Variants in CACNG4 observed in about 807,000 individuals in gnomAD.
CACNG4 encodes the protein voltage-dependent calcium channel gamma-4 subunit.
In CACNG4, 8 loss-of-function variants were observed where a neutral mutation model predicts 22.9. The observed-to-expected ratio is 0.35, with a 90% CI of 0.21 to 0.63. The LOEUF is 0.63. Among genes scored for constraint, CACNG4 ranks in the 30% least tolerant of loss-of-function variants. The probability of loss-of-function intolerance (pLI) is 0.72; values close to 1 mark genes in which losing one functional copy is unlikely to be tolerated. For synonymous variants in CACNG4, 188 were observed against 191.9 expected (o/e 0.98, Z 0.17); for missense variants, 357 against 455.4 (o/e 0.78, Z 1.97).
At chr17:67,024,090 A>T (rs1598124997) in intron 2 of CACNG4, among the ~76,000 whole-genome samples, 2 of 152,312 alleles carry the variant, frequency 1.3e-5, no homozygotes, top group East Asian at 3.9e-4. Flanking sequence ...TGTCAGGGCT[A>T]CAAAGTTGGT....
intron 1 of CACNG4, among the ~76,000 whole-genome samples, chr17:67,008,260 G>T (rs944010227): frequency 6.6e-6 from 1 of 152,182 alleles, no homozygotes; most frequent in Non-Finnish European, 1.5e-5. Flanking sequence ...GCCTCTCCAC[G>T]CCTGGAGTTT....
At chr17:66,971,871 G>A (rs1333643845) in intron 1 of CACNG4, among the ~76,000 whole-genome samples, 1 of 152,190 alleles carries the variant, frequency 6.6e-6, no homozygotes, top group East Asian at 1.9e-4. Context: ...TGCTATTGCA[G>A]AACTTCGGGC....
chr17:66,993,667 G>A (rs1415778186), intron 1 of CACNG4, among the ~76,000 whole-genome samples: 4 of 152,154 alleles, frequency 2.6e-5, no homozygotes, highest in South Asian at 2.1e-4. Context: ...GTGCAGTGGC[G>A]CGATCTCGGC....
chr17:66,978,283 C>G (rs1014833291), intron 1 of CACNG4, among the ~76,000 whole-genome samples: 5 of 152,098 alleles, frequency 3.3e-5, no homozygotes, highest in Non-Finnish European at 7.4e-5. Flanking sequence ...TGGCAGGAGT[C>G]GCGATAAAGT....
rs1180568113 is a variant in CACNG4, at chr17:67,018,054, T to C, written c.221-135T>C. On this transcript the variant is annotated intron_variant, in intron 1 of 3. Transcript: ENST00000262138. ...CCGTGCCCCCACCAGACTGGAACGCTGGAGCCTGCCTTTCTTCTCTGTCTG... is the reference window on the plus strand; with the variant it reads ...CCGTGCCCCCACCAGACTGGAACGCCGGAGCCTGCCTTTCTTCTCTGTCTG... 4 of 672,502 alleles carry C rather than the reference T, an allele frequency of 5.9e-6. No homozygotes were observed. The East Asian group carries it at 1.1e-4, about 18-fold the overall frequency. 41.7% of individuals were successfully genotyped at this position (672,502 alleles called of 1,614,324 possible).
At position 67,030,169 on chromosome 17, in the gene CACNG4, G is replaced by A. The variant is rs1417884833; in HGVS notation, c.446-297G>A. ...ATAATAGGGGTGTGTGTGTGTGTGT[G>A]TGTGAAGAGAGAAATTTTTTTTCTG... On this transcript the variant is annotated intron_variant, in intron 3 of 3. Transcript: ENST00000262138. This position sits in a 1 kb window ranked among gnomAD's most constrained non-coding sequence, Gnocchi z 6.4. Among the ~76,000 whole-genome samples, 2 of 152,040 alleles carry A rather than the reference G, an allele frequency of 1.3e-5. No homozygotes were observed. The highest frequency in any genetic ancestry group is 2.9e-5 in the Non-Finnish European group (2 of 67,998).
intron 1 of CACNG4, among the ~76,000 whole-genome samples, chr17:66,989,937 G>C (rs1358610513): frequency 6.6e-6 from 1 of 152,112 alleles, no homozygotes; most frequent in Non-Finnish European, 1.5e-5. Context: ...GGCTGGACTG[G>C]GGTCCTGAAG....
At chr17:67,014,943 C>CAAAAAAAAAAAA (rs1163062678) in intron 1 of CACNG4, among the ~76,000 whole-genome samples, 1 of 95,350 alleles carries the variant, frequency 1.0e-5, no homozygotes, top group Admixed American at 1.2e-4. Flanking sequence ...TCTCCAAAAA[C>CAAAAAAAAAAAA]AAAAAAAAAA....
At chr17:67,017,091 T>C (rs1021677207) in intron 1 of CACNG4, among the ~76,000 whole-genome samples, 2 of 152,116 alleles carry the variant, frequency 1.3e-5, no homozygotes, top group African/African-American at 4.8e-5. Flanking sequence ...TTTTGAGTTT[T>C]TTTGAGACAG....
At chr17:66,976,431 C>G (rs2035236733) in intron 1 of CACNG4, among the ~76,000 whole-genome samples, 1 of 149,350 alleles carries the variant, frequency 6.7e-6, no homozygotes, top group Non-Finnish European at 1.5e-5. Flanking sequence ...CTCCATCCCT[C>G]TCTCTAACTT....
chr17:67,004,285 G>A (rs1278315346), intron 1 of CACNG4, among the ~76,000 whole-genome samples: 1 of 152,190 alleles, frequency 6.6e-6, no homozygotes, highest in Non-Finnish European at 1.5e-5. Flanking sequence ...CGGTTGGTTG[G>A]GGAAATCTCT....
chr17:66,967,227 T>G (rs535924607), intron 1 of CACNG4, among the ~76,000 whole-genome samples: 19 of 152,342 alleles, frequency 1.2e-4, no homozygotes, highest in African/African-American at 4.6e-4. Flanking sequence ...AGCCCCAAGC[T>G]GATCTGGGCA....
At chr17:67,026,380 G>A (rs1180401292) in intron 3 of CACNG4, among the ~76,000 whole-genome samples, 1 of 150,784 alleles carries the variant, frequency 6.6e-6, no homozygotes, top group African/African-American at 2.4e-5. Context: ...GGAATGTGGT[G>A]TGTGTGTGTA....
chr17:67,006,275 C>T (rs937910158), intron 1 of CACNG4, among the ~76,000 whole-genome samples: 1 of 152,178 alleles, frequency 6.6e-6, no homozygotes, highest in Non-Finnish European at 1.5e-5. Context: ...AGGCTGGGGA[C>T]AGAATGACAG....
At chr17:66,999,736 C>T (rs982318670) in intron 1 of CACNG4, among the ~76,000 whole-genome samples, 8 of 152,016 alleles carry the variant, frequency 5.3e-5, no homozygotes, top group African/African-American at 1.9e-4. Context: ...CTGGGGATTA[C>T]AGCTCCCTCC....
chr17:66,966,083 G>C (rs897022256), intron 1 of CACNG4, among the ~76,000 whole-genome samples: 3 of 152,216 alleles, frequency 2.0e-5, no homozygotes, highest in African/African-American at 7.2e-5. Context: ...GGAATGCTAG[G>C]GGACCAGGAT....
rs369717558 is a variant in CACNG4 at position 66,992,669 on chromosome 17, G to A, written c.221-25520G>A. Among the ~76,000 whole-genome samples the A allele has an allele frequency of 8.5e-5, 13 of 152,358 alleles. 1 individual carries two copies. In the South Asian group the frequency reaches 2.5e-3, roughly 29 times the overall value. The stretch of plus-strand genomic sequence containing the variant: ...GCCCCTGGCCTGGTGGAGGCTTCCT[G>A]AGAAGGTAACAGAGCCGGAGAGGCT... On this transcript the variant is annotated intron_variant, in intron 1 of 3. Coordinates refer to ENST00000262138, the MANE Select transcript of CACNG4 (RefSeq NM_014405.4).
chr17:66,973,237 T>TAA (rs10718135), intron 1 of CACNG4, among the ~76,000 whole-genome samples: 2,293 of 141,854 alleles, frequency 0.016, 60 homozygotes, highest in African/African-American at 0.049. Flanking sequence ...AAGACTCCAT[T>TAA]AAAAAAAAAA....
intron 1 of CACNG4, among the ~76,000 whole-genome samples, chr17:67,008,606 C>T (rs764151293): frequency 7.2e-5 from 11 of 152,076 alleles, no homozygotes; most frequent in South Asian, 2.1e-4. Flanking sequence ...CCATCCCCAC[C>T]GAAAATTCTT....
Sources: allele counts gnomAD v4.1 joint callset (sites outside exome capture counted in the v4.1 genomes callset), GRCh38; gene constraint gnomAD v4.1.1; non-coding constraint Gnocchi (gnomAD v3.1); transcripts MANE v1.5; gene names NCBI Gene and HGNC (gene_info 2026-07-23, HGNC 2026-07-21).